Variants in WNT7B observed in about 807,000 individuals in gnomAD.
WNT7B encodes Wnt family member 7B.
WNT7B carries 19 observed loss-of-function variants against 38.2 expected under a neutral mutation model. The observed-to-expected ratio is 0.50, with a 90% CI of 0.35 to 0.73. The LOEUF is 0.73. WNT7B is among the 30% of genes least tolerant of loss of function. The probability of loss-of-function intolerance (pLI) is 0.01; values close to 1 mark genes in which losing one functional copy is unlikely to be tolerated. For missense variants in WNT7B, 423 were observed against 507.9 expected (o/e 0.83, Z 1.61); for synonymous variants, 243 against 209.3 (o/e 1.16, Z -1.39).
rs1406367774 is a variant in WNT7B, at chr22:45,925,212, G to A, written c.571-1877C>T. 4 of 984,414 alleles carry A rather than the reference G, an allele frequency of 4.1e-6. No homozygotes were observed. In the African/African-American group the frequency reaches 7.0e-5, roughly 17 times the overall value. The allele number at this position is 984,414 out of a possible 1,614,324, so 61.0% of individuals were successfully genotyped here. A position where few individuals can be genotyped will look rare whatever the true frequency, so the allele number is the denominator to read the frequency against. On this transcript the variant is annotated intron_variant, in intron 3 of 3. Coordinates refer to ENST00000339464, the MANE Select transcript of WNT7B (RefSeq NM_058238.3). ...CCCTAGGCTAGCAGGTGGGTGCCGG[G>A]TGGGCGCAAAGTCTCATCAGGTGGG...
At chr22:45,954,536 C>T (rs892066961) in intron 1 of WNT7B, 30 of 978,786 alleles carry the variant, frequency 3.1e-5, no homozygotes, top group Non-Finnish European at 3.6e-5. Context: ...GCCCTGCTTG[C>T]CTTCTTGCAC....
At chr22:45,926,538 G>C in intron 3 of WNT7B, 1 of 985,424 alleles carries the variant, frequency 1.0e-6, no homozygotes, top group Non-Finnish European at 1.2e-6. Flanking sequence ...AGTCCTTCCA[G>C]GGCGAGACTG....
At chr22:45,972,177 G>A in intron 1 of WNT7B, 3 of 643,232 alleles carry the variant, frequency 4.7e-6, no homozygotes, top group African/African-American at 1.9e-5. Flanking sequence ...CTGGACAGGA[G>A]GAGAAAGATC....
At chr22:45,927,558 G>A in intron 3 of WNT7B, 2 of 1,386,476 alleles carry the variant, frequency 1.4e-6, no homozygotes, top group Non-Finnish European at 2.0e-6. Flanking sequence ...GGTCACCCTG[G>A]GTTGTCCAAG....
rs1181487546 is a variant in WNT7B, at chr22:45,921,010, C to T, written c.*1846G>A. 6.6e-6 allele frequency: 1 copy of T among 152,210 alleles called. No individual in the cohort carries two copies. Among genetic ancestry groups the T allele is most frequent in the East Asian group, 1.9e-4 (1 of 5,172 alleles). The allele number at this position is 152,210 out of a possible 1,614,324, so 9.4% of individuals were successfully genotyped here. A position where few individuals can be genotyped will look rare whatever the true frequency, so the allele number is the denominator to read the frequency against. ...CCAGGCATGGTTAGAGGCACATGGG[C>T]TGGACCACAGGGCCAGAGCCCAGGA... is the stretch of plus-strand genomic sequence containing the variant. On this transcript the variant is annotated 3_prime_UTR_variant, in exon 4 of 4. Transcript: ENST00000339464.
At chr22:45,931,490 C>T (rs555484603) in intron 2 of WNT7B, 121 bp from the exon 3 acceptor site, 84 of 1,209,524 alleles carry the variant, frequency 6.9e-5, no homozygotes, top group Middle Eastern at 2.9e-4. Context: ...CTGGGCTCAT[C>T]GCTCGCCCCC....
chr22:45,958,191 T>G (rs1932116120), intron 1 of WNT7B, among the ~76,000 whole-genome samples: 1 of 152,202 alleles, frequency 6.6e-6, no homozygotes, highest in South Asian at 2.1e-4. Context: ...GGAACAGGGT[T>G]GTGGGACGTG....
intron 3 of WNT7B, chr22:45,927,128 G>T: frequency 6.1e-6 from 6 of 985,474 alleles, no homozygotes; most frequent in Non-Finnish European, 7.2e-6. Context: ...GGTCTTGGGG[G>T]CATGGCCTCT....
At chr22:45,973,436 T>C (rs935203306) in intron 1 of WNT7B, among the ~76,000 whole-genome samples, 1 of 152,132 alleles carries the variant, frequency 6.6e-6, no homozygotes, top group Non-Finnish European at 1.5e-5. Flanking sequence ...CTAGACCTGG[T>C]GTGGAGGCTC....
At chr22:45,948,825 CCCT>C (rs1342435552) in intron 2 of WNT7B, among the ~76,000 whole-genome samples, 1 of 137,046 alleles carries the variant, frequency 7.3e-6, no homozygotes, top group Admixed American at 7.4e-5. Context: ...CTCCAAAGAT[CCCT>C]TTTTTTTTTT....
chr22:45,940,832 C>A (rs563768249), intron 2 of WNT7B, among the ~76,000 whole-genome samples: 1 of 152,286 alleles, frequency 6.6e-6, no homozygotes, highest in African/African-American at 2.4e-5. Flanking sequence ...AGGTGAGGAA[C>A]ACAGGTTCAG....
At chr22:45,926,253 C>T (rs1185181195) in intron 3 of WNT7B, 1 of 985,306 alleles carries the variant, frequency 1.0e-6, no homozygotes, top group Non-Finnish European at 1.2e-6. Flanking sequence ...GTGGTGCCAG[C>T]ACTGAGACCG....
intron 1 of WNT7B, among the ~76,000 whole-genome samples, chr22:45,971,723 C>T (rs1461417076): frequency 6.6e-6 from 1 of 152,138 alleles, no homozygotes; most frequent in African/African-American, 2.4e-5. Context: ...CACGAGGGAG[C>T]GGGTGTGTGA....
intron 1 of WNT7B, among the ~76,000 whole-genome samples, chr22:45,973,745 G>C (rs118079352): frequency 0.01 from 1,591 of 152,330 alleles, 15 homozygotes; most frequent in Middle Eastern, 0.02. Flanking sequence ...AATCCCAGGT[G>C]CATTTGTTCT....
intron 3 of WNT7B, chr22:45,925,356 G>A: frequency 1.0e-6 from 1 of 985,356 alleles, no homozygotes; most frequent in Non-Finnish European, 1.2e-6. Flanking sequence ...TGGAGAGACT[G>A]GGGAGACTGG....
At chr22:45,923,662 G>A (rs1930996020) in intron 3 of WNT7B, among the ~76,000 whole-genome samples, 1 of 152,230 alleles carries the variant, frequency 6.6e-6, no homozygotes, top group African/African-American at 2.4e-5. Flanking sequence ...ATGCACTGGT[G>A]AGGAAACCGA....
At chr22:45,932,606 C>G (rs28473261) in intron 2 of WNT7B, among the ~76,000 whole-genome samples, 23,391 of 152,230 alleles carry the variant, frequency 0.15, 2,075 homozygotes, top group Middle Eastern at 0.25. Context: ...CCTGTGCATC[C>G]TTCCATCCTG....
chr22:45,929,634 ATGCATCCACTCATCCAT>A (rs1931237920), intron 3 of WNT7B, among the ~76,000 whole-genome samples: 3 of 116,642 alleles, frequency 2.6e-5, no homozygotes, highest in African/African-American at 1.1e-4. Flanking sequence ...CCTTCCATCC[ATGCATCCACTCATCCAT>A]CCTTCCACCC....
intron 3 of WNT7B, among the ~76,000 whole-genome samples, chr22:45,928,988 C>T (rs935340263): frequency 1.3e-5 from 2 of 151,040 alleles, no homozygotes; most frequent in Non-Finnish European, 3.0e-5. Flanking sequence ...CTTAAGCCTC[C>T]AGAGCCACTC....
Sources: allele counts gnomAD v4.1 joint callset (sites outside exome capture counted in the v4.1 genomes callset), GRCh38; gene constraint gnomAD v4.1.1; transcripts MANE v1.5; gene names NCBI Gene and HGNC (gene_info 2026-07-23, HGNC 2026-07-21).